The following SASH1 variants were observed in gnomAD, a reference collection of about 807,000 sequenced individuals.
The protein encoded by SASH1 is SAM and SH3 domain containing 1.
SASH1 carries 44 observed loss-of-function variants against 125.2 expected under a neutral mutation model. The ratio of observed to expected loss-of-function variants is 0.35; its 90% CI spans 0.28 to 0.45. The LOEUF (loss-of-function observed/expected upper bound fraction) is 0.45. Ranked by LOEUF, SASH1 falls within the 20% of genes least tolerant of loss-of-function variation. The pLI is 1.00. For missense variants in SASH1, 1,426 were observed against 1,614.5 expected (o/e 0.88, Z 2.00); for synonymous variants, 639 against 649.1 (o/e 0.98, Z 0.24).
the SASH1 span, among the ~76,000 whole-genome samples, chr6:148,253,656 AG>A: frequency 6.6e-6 from 1 of 152,134 alleles, no homozygotes; most frequent in African/African-American, 2.4e-5. Context: ...GTGGATCACA[AG>A]ATCAGGAGTT....
At chr6:148,255,262 T>C in the SASH1 span, among the ~76,000 whole-genome samples, 1 of 152,192 alleles carries the variant, frequency 6.6e-6, no homozygotes, top group Non-Finnish European at 1.5e-5. Flanking sequence ...TGGTTTCTCC[T>C]GAGGCCTCTC....
the SASH1 span, among the ~76,000 whole-genome samples, chr6:148,198,456 A>G: frequency 6.6e-6 from 1 of 152,186 alleles, no homozygotes; most frequent in Non-Finnish European, 1.5e-5. Context: ...ATATTTGGCT[A>G]CTTGGCAGCA....
At chr6:148,349,252 C>CTTTTTTTTTTTTTTTTTTTTTTTTTTTTT (rs11317386) in intron 1 of SASH1, among the ~76,000 whole-genome samples, 2 of 47,020 alleles carry the variant, frequency 4.3e-5, no homozygotes, top group Non-Finnish European at 3.7e-5. Context: ...TTCTTTCTTT[C>CTTTTTTTTTTTTTTTTTTTTTTTTTTTTT]TTTTTTTTTT....
At chr6:148,511,906 T>C (rs182535581) in intron 8 of SASH1, among the ~76,000 whole-genome samples, 8 of 152,322 alleles carry the variant, frequency 5.3e-5, no homozygotes, top group African/African-American at 1.9e-4. Flanking sequence ...GCAAACTAGG[T>C]ATGAGGTATA....
chr6:148,421,851 C>G lies in SASH1; in HGVS notation c.286-18333C>G, dbSNP rs149105065. ...ATAAGAGCACACATATTTTTCTATCCTTATTTGTCTGACCCATCTCTTAAA... is the reference window on the plus strand; with the variant it reads ...ATAAGAGCACACATATTTTTCTATCGTTATTTGTCTGACCCATCTCTTAAA... On this transcript the variant is annotated intron_variant, in intron 2 of 19. Transcript: ENST00000367467. 3.9e-3 allele frequency among the ~76,000 whole-genome samples: 598 copies of G among 152,222 alleles called. 16 individuals carry two copies. The highest frequency in any genetic ancestry group is 0.037 in the Admixed American group (566 of 15,300).
intron 1 of SASH1, among the ~76,000 whole-genome samples, chr6:148,388,993 T>C: frequency 6.6e-6 from 1 of 152,094 alleles, no homozygotes; most frequent in East Asian, 1.9e-4. Context: ...AGGAGAGGTC[T>C]TTCTGAATGA....
intron 8 of SASH1, chr6:148,513,173 G>T (rs1780247083): frequency 1.0e-6 from 1 of 985,326 alleles, no homozygotes; most frequent in Admixed American, 6.1e-5. Flanking sequence ...TTCTTTGGGA[G>T]AAAAGTCTCT....
chr6:148,348,911 C>A (rs974319639), intron 1 of SASH1, among the ~76,000 whole-genome samples: 1 of 152,238 alleles, frequency 6.6e-6, no homozygotes, highest in East Asian at 1.9e-4. Flanking sequence ...GTGGGCAGAG[C>A]GCCCCGAAGG....
At chr6:148,389,776 C>T (rs755275003) in intron 1 of SASH1, among the ~76,000 whole-genome samples, 1 of 152,182 alleles carries the variant, frequency 6.6e-6, no homozygotes, top group Non-Finnish European at 1.5e-5. Flanking sequence ...CTGGTGTTTC[C>T]TCTCTTAGCC....
At chr6:148,485,372 G>C (rs1778796586) in intron 7 of SASH1, among the ~76,000 whole-genome samples, 1 of 152,158 alleles carries the variant, frequency 6.6e-6, no homozygotes, top group Non-Finnish European at 1.5e-5. Context: ...AAATATTAAA[G>C]TGATTAATAC....
chr6:148,502,870 A>G (rs1165221579), intron 8 of SASH1, among the ~76,000 whole-genome samples: 9 of 152,138 alleles, frequency 5.9e-5, no homozygotes, highest in Non-Finnish European at 1.3e-4. Flanking sequence ...AGTGTGCCTC[A>G]ATTTCCTTAC....
At chr6:148,305,043 A>C (rs962626426) in intron 1 of SASH1, among the ~76,000 whole-genome samples, 1 of 152,210 alleles carries the variant, frequency 6.6e-6, no homozygotes, top group African/African-American at 2.4e-5. Flanking sequence ...ATAAATCAAT[A>C]AATAAATAAC....
Position 148,474,284 on chromosome 6 carries a change from T to C in SASH1, c.627+62T>C. On this transcript the variant is annotated intron_variant, in intron 7 of 19. Transcript: ENST00000367467. ...CTTGACTTTCTGAAGTGTAAAAATG[T>C]TTGCGGCCAACAAGGGGTATAGGAA... 3.8e-6 allele frequency: 4 copies of C among 1,047,972 alleles called. No individual in the cohort carries two copies. The South Asian group carries it at 4.2e-5, about 11-fold the overall frequency. 64.9% of individuals were successfully genotyped at this position (1,047,972 alleles called of 1,614,324 possible).
chr6:148,511,754 C>A (rs1376547878), intron 8 of SASH1, among the ~76,000 whole-genome samples: 1 of 152,050 alleles, frequency 6.6e-6, no homozygotes, highest in African/African-American at 2.4e-5. Flanking sequence ...ATTTTGATTT[C>A]TCCTTGGAAA....
chr6:148,537,716 T>A (rs1380511437), intron 16 of SASH1, among the ~76,000 whole-genome samples: 1 of 152,262 alleles, frequency 6.6e-6, no homozygotes, highest in East Asian at 1.9e-4. Context: ...GGCAATGCTA[T>A]GTGCCTTTGG....
At chr6:148,261,637 G>A in the SASH1 span, among the ~76,000 whole-genome samples, 1 of 152,160 alleles carries the variant, frequency 6.6e-6, no homozygotes, top group African/African-American at 2.4e-5. Flanking sequence ...AGCGCCACCA[G>A]GGGACTGCTG....
intron 1 of SASH1, among the ~76,000 whole-genome samples, chr6:148,337,118 G>A (rs1781182299): frequency 6.6e-6 from 1 of 151,910 alleles, no homozygotes; most frequent in Admixed American, 6.6e-5. Context: ...CAGTGCAATG[G>A]TGCAATCTCG....
In SASH1 at chr6:148,359,872, C is replaced by T. The variant is rs186216361; in HGVS notation, c.156+16649C>T. On this transcript the variant is annotated intron_variant, in intron 1 of 19. Coordinates refer to ENST00000367467, the MANE Select transcript of SASH1 (RefSeq NM_015278.5). Reference sequence around the variant, plus strand: ...CTGCCGGATTCAAGTGAATCTCCTGCCTCAGCCTCCTGAGTAGCTGGGACT... The same window carrying T: ...CTGCCGGATTCAAGTGAATCTCCTGTCTCAGCCTCCTGAGTAGCTGGGACT... Among the ~76,000 whole-genome samples the T allele has an allele frequency of 2.8e-4, 43 of 152,328 alleles. No individual in the cohort carries two copies. The East Asian group carries it at 8.3e-3, about 29-fold the overall frequency.
At chr6:148,497,567 G>A (rs1779366002) in intron 8 of SASH1, among the ~76,000 whole-genome samples, 1 of 152,154 alleles carries the variant, frequency 6.6e-6, no homozygotes, top group African/African-American at 2.4e-5. Context: ...GTTATTTGAT[G>A]TGAAGATCTT....
Sources: allele counts gnomAD v4.1 joint callset (sites outside exome capture counted in the v4.1 genomes callset), GRCh38; gene constraint gnomAD v4.1.1; transcripts MANE v1.5; gene names NCBI Gene and HGNC (gene_info 2026-07-23, HGNC 2026-07-21).